ABHD2: variants seen among roughly 807,000 people sequenced by gnomAD.
The protein encoded by ABHD2 is abhydrolase domain containing 2, acylglycerol lipase, also known as monoacylglycerol lipase ABHD2.
In ABHD2, 20 loss-of-function variants were observed where a neutral mutation model predicts 48.1. That is an observed-to-expected ratio of 0.42 (90% CI 0.29 to 0.60). ABHD2 has a LOEUF of 0.60. Ranked by LOEUF, ABHD2 falls within the 20% of genes least tolerant of loss-of-function variation. ABHD2 has a pLI of 0.24. For missense variants in ABHD2, 405 were observed against 550.9 expected, an observed-to-expected ratio of 0.74 and a Z score of 2.65; for synonymous variants, 209 against 214.2, an observed-to-expected ratio of 0.98 and a Z score of 0.21.
In ABHD2 at chr15:89,182,859, A is replaced by C. The variant is rs888688980; in HGVS notation, c.723-2565A>C. Among the ~76,000 whole-genome samples, 1 of 152,148 alleles carries C rather than the reference A, an allele frequency of 6.6e-6. No individual in the cohort carries two copies. The highest frequency in any genetic ancestry group is 2.4e-5 in the African/African-American group (1 of 41,422). ...GTATTTGTGCAGTGTCTAGAGAGCT[A>C]AACTCCCCTGGTTTCGTGCCCATTT... is the stretch of plus-strand genomic sequence containing the variant. On this transcript the variant is annotated intron_variant, in intron 6 of 10. Transcript: ENST00000352732. This position sits in a 1 kb window ranked among gnomAD's most constrained non-coding sequence, Gnocchi z 4.8.
intron 3 of ABHD2, among the ~76,000 whole-genome samples, chr15:89,127,251 G>A (rs1207685363): frequency 6.6e-6 from 1 of 152,122 alleles, no homozygotes; most frequent in Admixed American, 6.5e-5. Context: ...CATAGAGTGA[G>A]GGCTCTGGGT....
At chr15:89,111,121 CAT>C (rs1422655223) in intron 1 of ABHD2, among the ~76,000 whole-genome samples, 1 of 152,148 alleles carries the variant, frequency 6.6e-6, no homozygotes, top group Non-Finnish European at 1.5e-5. Flanking sequence ...AGCTTTATCA[CAT>C]ATATAATTGT....
intron 5 of ABHD2, among the ~76,000 whole-genome samples, chr15:89,161,520 C>T (rs981590454): frequency 7.2e-5 from 11 of 152,170 alleles, no homozygotes; most frequent in Admixed American, 6.5e-4. Flanking sequence ...CCTGCCTCAG[C>T]CTCCCTAGTA....
chr15:89,183,677 T>TAA (rs5814357), intron 6 of ABHD2, among the ~76,000 whole-genome samples: 21 of 150,608 alleles, frequency 1.4e-4, no homozygotes, highest in Admixed American at 1.2e-3. Context: ...GTGTTTTCAA[T>TAA]AAAAAAAAAT....
At position 89,104,966 on chromosome 15, in the gene ABHD2, TA is replaced by T. The variant is rs2049760063; in HGVS notation, c.-106-8754del. ...AGAATTTAATTATGGTGTAGATTTT[TA>T]AAAATATGTTTAGGATAAATCTCAC... On this transcript the variant is annotated intron_variant, in intron 1 of 10. Transcript: ENST00000352732. This position sits in a 1 kb window ranked among gnomAD's most constrained non-coding sequence, Gnocchi z 4.4. Among the ~76,000 whole-genome samples the T allele has an allele frequency of 6.6e-6, 1 of 151,952 alleles. No individual in the cohort carries two copies. Among genetic ancestry groups the T allele is most frequent in the African/African-American group, 2.4e-5 (1 of 41,340 alleles).
At chr15:89,083,183 AGTT>A (rs1484870955), upstream of ABHD2, among the ~76,000 whole-genome samples, 2 of 151,794 alleles carry the variant, frequency 1.3e-5, no homozygotes, top group Non-Finnish European at 1.5e-5. The surrounding 1 kb of genome is among the most constrained non-coding windows in gnomAD (Gnocchi z 5.1). Flanking sequence ...GGTTTTTTGT[AGTT>A]GTTGTTATTT....
intron 3 of ABHD2, among the ~76,000 whole-genome samples, chr15:89,117,119 G>A (rs996912472): frequency 6.6e-6 from 1 of 152,110 alleles, no homozygotes; most frequent in South Asian, 2.1e-4. Context: ...TCCACCTCCC[G>A]GGTTCAAGCG....
chr15:89,076,903 A>T, the ABHD2 span, among the ~76,000 whole-genome samples: 1 of 152,140 alleles, frequency 6.6e-6, no homozygotes, highest in East Asian at 1.9e-4. Context: ...TTCTTTGTGG[A>T]AGAGGAGAAA....
intron 3 of ABHD2, among the ~76,000 whole-genome samples, chr15:89,126,045 C>A (rs77457191): frequency 6.6e-6 from 1 of 152,322 alleles, no homozygotes; most frequent in South Asian, 2.1e-4. Flanking sequence ...ACAACCAATT[C>A]TGGTTTCCAA....
At chr15:89,133,624 T>A (rs1037043593) in intron 3 of ABHD2, among the ~76,000 whole-genome samples, 9 of 152,200 alleles carry the variant, frequency 5.9e-5, no homozygotes, top group Non-Finnish European at 1.2e-4. Flanking sequence ...TCTTTTCATA[T>A]TTTAGAACTC....
chr15:89,159,717 T>C (rs1322752952), intron 5 of ABHD2, among the ~76,000 whole-genome samples: 1 of 152,320 alleles, frequency 6.6e-6, no homozygotes, highest in Non-Finnish European at 1.5e-5. Context: ...GGTGAATCCA[T>C]CAGGGGAGAG....
the ABHD2 span, among the ~76,000 whole-genome samples, chr15:89,042,328 C>T: frequency 6.6e-6 from 1 of 152,070 alleles, no homozygotes; most frequent in Non-Finnish European, 1.5e-5. Flanking sequence ...TTGCTTTTAC[C>T]CTACTCCCTC....
At chr15:89,148,784 C>T (rs953376413) in intron 3 of ABHD2, among the ~76,000 whole-genome samples, 3 of 152,166 alleles carry the variant, frequency 2.0e-5, no homozygotes, top group African/African-American at 4.8e-5. Flanking sequence ...AATTATTGGC[C>T]GCTACATTTT....
chr15:89,063,521 C>T, the ABHD2 span, among the ~76,000 whole-genome samples: 1 of 152,000 alleles, frequency 6.6e-6, no homozygotes, highest in African/African-American at 2.4e-5. Context: ...CTCTCTCTCT[C>T]TCTCTCACAC....
At chr15:89,113,621 C>A (rs2049910257) in intron 1 of ABHD2, 104 bp from the exon 2 acceptor site, 1 of 152,204 alleles carries the variant, frequency 6.6e-6, no homozygotes, top group Non-Finnish European at 1.5e-5. Context: ...ACAAAATTGT[C>A]TTTTCCCTAA....
At chr15:89,135,739 A>G (rs1596101546) in intron 3 of ABHD2, 2 of 1,126,844 alleles carry the variant, frequency 1.8e-6, no homozygotes, top group South Asian at 1.2e-5. Context: ...CCTTCTTTTT[A>G]TAAGGCTGCC....
chr15:89,087,245 C>G (rs293370), upstream of ABHD2: 1 of 152,066 alleles, frequency 6.6e-6, no homozygotes, highest in Admixed American at 6.5e-5. This position sits in a 1 kb window ranked among gnomAD's most constrained non-coding sequence, Gnocchi z 5.5. Context: ...AGCCAGCCCA[C>G]TGTTCCTTGT....
At chr15:89,060,711 G>A in the ABHD2 span, among the ~76,000 whole-genome samples, 1 of 152,032 alleles carries the variant, frequency 6.6e-6, no homozygotes, top group Admixed American at 6.6e-5. Context: ...AGTGATTTGT[G>A]TTCACTGTGG....
Position 89,116,241 on chromosome 15 carries a change from C to G in ABHD2, c.-6-81C>G. On this transcript the variant is annotated intron_variant, in intron 2 of 10. Transcript: ENST00000352732. The surrounding 1 kb of genome is among the most constrained non-coding windows in gnomAD (Gnocchi z 4.6). ...CACCGTCACTGGCAGTATCTCTTAG[C>G]CCACCATGCGTCTGTAGGGTGGTGG... is the stretch of plus-strand genomic sequence containing the variant. The G allele has an allele frequency of 7.5e-7, 1 of 1,337,066 alleles. No individual in the cohort carries two copies. Among genetic ancestry groups the G allele is most frequent in the East Asian group, 2.3e-5 (1 of 42,990 alleles). 82.8% of individuals were successfully genotyped at this position (1,337,066 alleles called of 1,614,324 possible). A position where few individuals can be genotyped will look rare whatever the true frequency, so the allele number is the denominator to read the frequency against.
Sources: gnomAD v4.1 joint callset for allele counts (sites outside exome capture counted in the v4.1 genomes callset) on GRCh38, gnomAD v4.1.1 for gene constraint, Gnocchi (gnomAD v3.1) non-coding constraint, MANE v1.5 for transcripts, NCBI Gene and HGNC (gene_info 2026-07-23, HGNC 2026-07-21) for gene names.